LHFPL2: variants seen among roughly 807,000 people sequenced by gnomAD.
The protein encoded by LHFPL2 is LHFPL tetraspan subfamily member 2 protein.
In LHFPL2, 7 loss-of-function variants were observed where a neutral mutation model predicts 17.5. The observed-to-expected ratio is 0.40, with a 90% CI of 0.23 to 0.75. LHFPL2 has a LOEUF of 0.75. LHFPL2 is among the 30% of genes least tolerant of loss of function. The pLI, the probability that LHFPL2 is intolerant of heterozygous loss-of-function variation, is 0.37. For synonymous variants in LHFPL2, 134 were observed against 116.2 expected, an observed-to-expected ratio of 1.15 and a Z score of -0.99; for missense variants, 241 against 294.8, an observed-to-expected ratio of 0.82 and a Z score of 1.34.
chr5:78,618,686 T>C (rs1460181873), intron 2 of LHFPL2, among the ~76,000 whole-genome samples: 3 of 152,172 alleles, frequency 2.0e-5, no homozygotes, highest in African/African-American at 7.2e-5. Flanking sequence ...ACTTTCGTCA[T>C]CTCTATTGGT....
rs145585036 is a variant in LHFPL2 at position 78,645,383 on chromosome 5, AAT to A, written c.-350+3114_-350+3115del. ...TAGGTATTTGCTGAATGACTGGATA[AAT>A]GAAGGAACAAACAGGCACTCTCCCT... On this transcript the variant is annotated intron_variant, in intron 1 of 4. Coordinates refer to ENST00000380345, the MANE Select transcript of LHFPL2 (RefSeq NM_005779.3). Among the ~76,000 whole-genome samples, 467 of 152,014 alleles carry A rather than the reference AAT, an allele frequency of 3.1e-3. 2 individuals carry two copies. Among genetic ancestry groups the A allele is most frequent in the African/African-American group, 0.011 (444 of 41,448 alleles).
intron 4 of LHFPL2, among the ~76,000 whole-genome samples, chr5:78,498,852 G>A (rs1224331861): frequency 6.6e-6 from 1 of 152,246 alleles, no homozygotes; most frequent in Non-Finnish European, 1.5e-5. Context: ...AAAAACAGAA[G>A]TCTTACTGTG....
chr5:78,617,137 T>C (rs1744649941), intron 2 of LHFPL2, among the ~76,000 whole-genome samples: 1 of 152,174 alleles, frequency 6.6e-6, no homozygotes. Context: ...CAGGCGATTC[T>C]CCTGCCTCAG....
At chr5:78,557,721 T>G (rs1756617001) in intron 3 of LHFPL2, among the ~76,000 whole-genome samples, 1 of 152,202 alleles carries the variant, frequency 6.6e-6, no homozygotes, top group Non-Finnish European at 1.5e-5. Context: ...CATTCGGACT[T>G]GCCAAATAGC....
chr5:78,609,473 A>G (rs916954214), intron 2 of LHFPL2, among the ~76,000 whole-genome samples: 2 of 145,396 alleles, frequency 1.4e-5, no homozygotes, highest in African/African-American at 5.6e-5. Flanking sequence ...AAAAAAAAAA[A>G]AAAGAGAGAG....
At chr5:78,509,657 A>C in intron 4 of LHFPL2, 127 bp downstream of exon 4, 2 of 967,008 alleles carry the variant, frequency 2.1e-6, no homozygotes, top group Non-Finnish European at 3.1e-6. Context: ...GGGGCAAAGG[A>C]AACCTGAATA....
chr5:78,555,455 G>C (rs1335347945), intron 3 of LHFPL2, among the ~76,000 whole-genome samples: 1 of 152,238 alleles, frequency 6.6e-6, no homozygotes, highest in African/African-American at 2.4e-5. Context: ...TGGAAGTGAA[G>C]CCTGGACTAA....
intron 3 of LHFPL2, among the ~76,000 whole-genome samples, chr5:78,512,896 A>G (rs1272904749): frequency 6.6e-6 from 1 of 151,538 alleles, no homozygotes; most frequent in East Asian, 1.9e-4. Context: ...CTGGGATTAC[A>G]AGCACACACG....
intron 4 of LHFPL2, among the ~76,000 whole-genome samples, chr5:78,498,260 C>T (rs2112300240): frequency 6.6e-6 from 1 of 152,350 alleles, no homozygotes; most frequent in East Asian, 1.9e-4. Context: ...AGATCAACCT[C>T]TCAGGGTGGG....
chr5:78,489,252 G>A, intron 4 of LHFPL2, 99 bp from the exon 5 acceptor site: 1 of 1,370,838 alleles, frequency 7.3e-7, no homozygotes, highest in Non-Finnish European at 1.0e-6. Context: ...TTTGGGCAAG[G>A]GCATCTATTC....
At chr5:78,570,650 G>GTATATATATAGTATATATATATATACGTA (rs1756975914) in intron 2 of LHFPL2, among the ~76,000 whole-genome samples, 1 of 143,650 alleles carries the variant, frequency 7.0e-6, no homozygotes, top group Admixed American at 7.0e-5. Context: ...ATATATATAC[G>GTATATATATAGTATATATATATATACGTA]TATATATATA....
At chr5:78,562,232 T>A (rs953493203) in intron 3 of LHFPL2, among the ~76,000 whole-genome samples, 6 of 152,188 alleles carry the variant, frequency 3.9e-5, no homozygotes, top group African/African-American at 1.4e-4. Context: ...GAGATGAGAA[T>A]TCCACATGGT....
At chr5:78,515,634 C>CTCA (rs1561316551) in intron 3 of LHFPL2, among the ~76,000 whole-genome samples, 1 of 152,208 alleles carries the variant, frequency 6.6e-6, no homozygotes, top group Admixed American at 6.5e-5. Context: ...GTGTGGGTTC[C>CTCA]TGGACCATCT....
chr5:78,558,214 A>G (rs1756632231), intron 3 of LHFPL2, among the ~76,000 whole-genome samples: 1 of 152,258 alleles, frequency 6.6e-6, no homozygotes, highest in South Asian at 2.1e-4. Context: ...GCTATTATTT[A>G]CCTATGTTAA....
rs150041036 is a variant in LHFPL2 at position 78,595,653 on chromosome 5, A to G, written c.-244-30782T>C. The stretch of plus-strand genomic sequence containing the variant: ...CAGCCTCCGGAACAGCTGGGACTAC[A>G]GGCTTAAGCCACTACACGTGGCTAA... On this transcript the variant is annotated intron_variant, in intron 2 of 4. Transcript: ENST00000380345. Among the ~76,000 whole-genome samples, 891 of 152,310 alleles carry G rather than the reference A, an allele frequency of 5.8e-3. 8 individuals carry two copies. Among genetic ancestry groups the G allele is most frequent in the African/African-American group, 0.02 (835 of 41,566 alleles).
At chr5:78,553,611 G>A (rs375230258) in intron 3 of LHFPL2, among the ~76,000 whole-genome samples, 75 of 152,254 alleles carry the variant, frequency 4.9e-4, no homozygotes, top group African/African-American at 1.7e-3. Flanking sequence ...CAAGGATTCC[G>A]CATTAATAAA....
intron 2 of LHFPL2, among the ~76,000 whole-genome samples, chr5:78,568,487 G>A (rs575319156): frequency 6.6e-6 from 1 of 152,284 alleles, no homozygotes; most frequent in African/African-American, 2.4e-5. Context: ...CCAAAAACAG[G>A]AAGCAGAGTT....
At chr5:78,628,622 ACCAGGCTAAAACACAGGC>A (rs965710726) in intron 2 of LHFPL2, among the ~76,000 whole-genome samples, 47 of 152,366 alleles carry the variant, frequency 3.1e-4, no homozygotes, top group African/African-American at 1.0e-3. Flanking sequence ...TTAACTGTCC[ACCAGGCTAAAACACAGGC>A]CCACTCAAAC....
intron 4 of LHFPL2, 142 bp downstream of exon 4, chr5:78,509,642 C>G: frequency 3.7e-6 from 3 of 810,352 alleles, no homozygotes; most frequent in Non-Finnish European, 5.9e-6. Flanking sequence ...TCGCCTAGAA[C>G]GGAAGGGGCA....
Sources: allele counts gnomAD v4.1 joint callset (sites outside exome capture counted in the v4.1 genomes callset), GRCh38; gene constraint gnomAD v4.1.1; transcripts MANE v1.5; gene names NCBI Gene and HGNC (gene_info 2026-07-23, HGNC 2026-07-21).